Variants in PELI1 observed in about 807,000 individuals in gnomAD.
The protein encoded by PELI1 is pellino E3 ubiquitin protein ligase 1, also known as E3 ubiquitin-protein ligase pellino homolog 1.
PELI1 carries 15 observed loss-of-function variants against 41.3 expected under a neutral mutation model. The observed-to-expected ratio is 0.36, with a 90% confidence interval of 0.24 to 0.56. The LOEUF (loss-of-function observed/expected upper bound fraction) is 0.56, where lower values mean the gene tolerates loss of function less well. Among genes scored for constraint, PELI1 ranks in the 20% least tolerant of loss-of-function variants. The pLI, the probability that PELI1 is intolerant of heterozygous loss-of-function variation, is 0.82. For missense variants in PELI1, 403 were observed against 525.5 expected (o/e 0.77, Z 2.28); for synonymous variants, 178 against 180.1 (o/e 0.99, Z 0.09).
At chr2:64,132,266 T>C (rs1427077377) in intron 1 of PELI1, among the ~76,000 whole-genome samples, 1 of 152,212 alleles carries the variant, frequency 6.6e-6, no homozygotes, top group Admixed American at 6.5e-5. Context: ...ATTCCTAATC[T>C]GAAAATCTGA....
At chr2:64,140,560 C>T (rs6730262) in intron 1 of PELI1, among the ~76,000 whole-genome samples, 97,210 of 151,586 alleles carry the variant, frequency 0.64, 33,415 homozygotes, top group African/African-American at 0.88. Context: ...GGTAAGCTAA[C>T]TGAAAGACTC....
chr2:64,103,485 G>T (rs1653095154), intron 3 of PELI1, among the ~76,000 whole-genome samples: 1 of 152,138 alleles, frequency 6.6e-6, no homozygotes, highest in Non-Finnish European at 1.5e-5. Flanking sequence ...AAAATGTCAA[G>T]AGCACTCCGG....
intron 4 of PELI1, 119 bp downstream of exon 4, chr2:64,100,279 A>G (rs1243289706): frequency 8.0e-6 from 5 of 621,618 alleles, no homozygotes; most frequent in Admixed American, 2.9e-5. Flanking sequence ...CAATCAATCT[A>G]TATTTTAATA....
chr2:64,116,431 G>A (rs942967642), intron 1 of PELI1, among the ~76,000 whole-genome samples: 1 of 152,136 alleles, frequency 6.6e-6, no homozygotes, highest in Non-Finnish European at 1.5e-5. Flanking sequence ...AGTGGGATTT[G>A]GCAGTTATTT....
intron 1 of PELI1, among the ~76,000 whole-genome samples, chr2:64,112,837 T>C (rs567044693): frequency 1.1e-4 from 16 of 152,340 alleles, no homozygotes; most frequent in Middle Eastern, 6.8e-3. Context: ...GGAACTTTTT[T>C]TTTTATGTGT....
chr2:64,132,229 A>G (rs1028515623), intron 1 of PELI1, among the ~76,000 whole-genome samples: 4 of 152,172 alleles, frequency 2.6e-5, no homozygotes, highest in Non-Finnish European at 4.4e-5. Context: ...CCTTTCAACA[A>G]CCTTACCAGG....
intron 1 of PELI1, among the ~76,000 whole-genome samples, chr2:64,142,279 G>A (rs945110920): frequency 2.0e-5 from 3 of 152,080 alleles, no homozygotes; most frequent in African/African-American, 7.2e-5. Flanking sequence ...AAAGGGAACA[G>A]GTTAGAAGGC....
chr2:64,101,811 AC>A (rs1261107250), intron 3 of PELI1, among the ~76,000 whole-genome samples: 1 of 147,860 alleles, frequency 6.8e-6, no homozygotes, highest in African/African-American at 2.5e-5. Flanking sequence ...TAATACTGCC[AC>A]TTTTGCTTCT....
intron 3 of PELI1, among the ~76,000 whole-genome samples, chr2:64,101,435 T>C (rs1341112472): frequency 1.3e-5 from 2 of 152,146 alleles, no homozygotes; most frequent in Admixed American, 6.5e-5. Flanking sequence ...ACTAAAAACA[T>C]TGCTAAAAAG....
chr2:64,140,058 T>A (rs1014028749), intron 1 of PELI1, among the ~76,000 whole-genome samples: 2 of 152,162 alleles, frequency 1.3e-5, no homozygotes, highest in African/African-American at 4.8e-5. Context: ...TTAGACAGCT[T>A]AGGGGAAAAA....
chr2:64,109,143 C>A (rs1459405077), intron 1 of PELI1, among the ~76,000 whole-genome samples: 4 of 152,142 alleles, frequency 2.6e-5, no homozygotes, highest in African/African-American at 9.7e-5. Flanking sequence ...AGACTTCCAC[C>A]CCCACCCAGC....
intron 1 of PELI1, among the ~76,000 whole-genome samples, chr2:64,132,700 T>C (rs1445541156): frequency 2.0e-5 from 3 of 152,152 alleles, no homozygotes; most frequent in Non-Finnish European, 4.4e-5. Flanking sequence ...AGTACAAATT[T>C]AATAGTGATA....
intron 4 of PELI1, 67 bp from the exon 5 acceptor site, chr2:64,096,677 G>A: frequency 2.0e-6 from 2 of 1,004,176 alleles, no homozygotes; most frequent in African/African-American, 1.6e-5. Flanking sequence ...ATTCAAGAAG[G>A]GCACAATAAG....
intron 1 of PELI1, among the ~76,000 whole-genome samples, chr2:64,139,725 A>G (rs1001208197): frequency 6.6e-6 from 1 of 152,244 alleles, no homozygotes; most frequent in Non-Finnish European, 1.5e-5. Flanking sequence ...TGTAAACGGC[A>G]TCAATAAACA....
chr2:64,133,997 T>C (rs1445292207), intron 1 of PELI1, among the ~76,000 whole-genome samples: 1 of 152,126 alleles, frequency 6.6e-6, no homozygotes, highest in African/African-American at 2.4e-5. Context: ...TTTTTCCATA[T>C]GACAATTCTT....
Position 64,096,475 on chromosome 2 carries a change from G to A in PELI1, c.439C>T (p.Pro147Ser). The A allele has an allele frequency of 6.2e-7, 1 of 1,613,426 alleles. No individual in the cohort carries two copies. The highest frequency in any genetic ancestry group is 8.5e-7 in the Non-Finnish European group (1 of 1,179,370). ...GCATAAATCCGTGCTGTAAAGGGAG[G>A]ATTCCGTTCACATATGATTCTGCAG... ...FACRIICERN[P>S]PFTARIYAAG... The change falls in exon 5 of 7, where the codon CCT becomes TCT. Residue 147 changes from proline (P) to serine (S), a missense_variant. By Grantham distance (74) the Pro-to-Ser change is moderately conservative. Transcript: ENST00000358912.
rs1462762498 is a variant in PELI1, at chr2:64,132,656, T to C, written c.-70+11425A>G. On this transcript the variant is annotated intron_variant, in intron 1 of 6. Coordinates refer to ENST00000358912, the MANE Select transcript of PELI1 (RefSeq NM_020651.4). Reference sequence around the variant, plus strand: ...TAATGGAGCTCTCAGACTGAGAAAATAGGGAATAAGTCTAGGAATATGTGG... The same window carrying C: ...TAATGGAGCTCTCAGACTGAGAAAACAGGGAATAAGTCTAGGAATATGTGG... Among the ~76,000 whole-genome samples, 3 of 152,104 alleles carry C rather than the reference T, an allele frequency of 2.0e-5. No homozygotes were observed. The East Asian group carries it at 5.8e-4, about 29-fold the overall frequency.
chr2:64,114,835 C>T (rs1364530139), intron 1 of PELI1, among the ~76,000 whole-genome samples: 1 of 152,194 alleles, frequency 6.6e-6, no homozygotes, highest in East Asian at 1.9e-4. Context: ...TATCTCCCCA[C>T]TACTCACTCC....
intron 1 of PELI1, among the ~76,000 whole-genome samples, chr2:64,116,472 A>G (rs1445110166): frequency 7.2e-5 from 11 of 152,214 alleles, no homozygotes; most frequent in Non-Finnish European, 1.5e-4. Flanking sequence ...AAGGATATTC[A>G]TGGGAAATCC....
Sources: allele counts gnomAD v4.1 joint callset (sites outside exome capture counted in the v4.1 genomes callset), GRCh38; gene constraint gnomAD v4.1.1; transcripts MANE v1.5; gene names NCBI Gene and HGNC (gene_info 2026-07-23, HGNC 2026-07-21).